PLOD2: variants seen among roughly 807,000 people sequenced by gnomAD.
PLOD2 encodes the protein procollagen-lysine,2-oxoglutarate 5-dioxygenase 2, also known as lysine hydroxylase 2.
Under a neutral mutation model 101.0 loss-of-function variants are expected in PLOD2, and 65 were observed. The ratio of observed to expected loss-of-function variants is 0.64; its 90% confidence interval spans 0.53 to 0.79. The LOEUF is 0.79. Ranked by LOEUF, PLOD2 falls within the 30% of genes least tolerant of loss-of-function variation. The probability of loss-of-function intolerance (pLI) is 0.00; values close to 1 mark genes in which losing one functional copy is unlikely to be tolerated. For synonymous variants in PLOD2, 314 were observed against 302.9 expected (o/e 1.04, Z -0.38); for missense variants, 909 against 914.6 (o/e 0.99, Z 0.08).
At chr3:146,090,573 A>G (rs1410215911) in intron 8 of PLOD2, among the ~76,000 whole-genome samples, 2 of 151,726 alleles carry the variant, frequency 1.3e-5, no homozygotes. Flanking sequence ...CATCTTCATG[A>G]TGCAGCTTCA....
At chr3:146,121,314 T>TA in intron 2 of PLOD2, 66 bp from the exon 3 acceptor site, 3 of 1,338,008 alleles carry the variant, frequency 2.2e-6, no homozygotes, top group Admixed American at 3.4e-5. Flanking sequence ...ATGAAAAACT[T>TA]AAAGACATCA....
chr3:146,073,384 T>C (rs761903115), intron 15 of PLOD2, 32 bp from the exon 16 acceptor site: 2 of 769,484 alleles, frequency 2.6e-6, no homozygotes, highest in East Asian at 2.7e-5. Flanking sequence ...AAAACAAATA[T>C]CTTTATAAAT....
intron 1 of PLOD2, among the ~76,000 whole-genome samples, chr3:146,146,033 T>G (rs1220644372): frequency 2.0e-5 from 3 of 152,198 alleles, no homozygotes; most frequent in Non-Finnish European, 2.9e-5. Flanking sequence ...TTTCTATTAC[T>G]TAGTTGCCTC....
At chr3:146,120,013 A>G (rs371785349) in intron 3 of PLOD2, among the ~76,000 whole-genome samples, 3,744 of 150,692 alleles carry the variant, frequency 0.025, 76 homozygotes, top group Non-Finnish European at 0.035. Context: ...CTGAGGAATC[A>G]CCACACTGAC....
intron 5 of PLOD2, among the ~76,000 whole-genome samples, chr3:146,105,772 C>T (rs1430304112): frequency 1.3e-5 from 2 of 152,242 alleles, no homozygotes; most frequent in African/African-American, 2.4e-5. Flanking sequence ...AGTTTCTCTA[C>T]TGATAAAGTG....
intron 1 of PLOD2, among the ~76,000 whole-genome samples, chr3:146,128,728 T>C (rs1228535310): frequency 6.6e-6 from 1 of 151,372 alleles, no homozygotes; most frequent in Non-Finnish European, 1.5e-5. Flanking sequence ...TTTCTCCAAA[T>C]AGCTGTTGAT....
At chr3:146,103,298 G>C (rs1006992789) in intron 6 of PLOD2, among the ~76,000 whole-genome samples, 6 of 152,058 alleles carry the variant, frequency 3.9e-5, no homozygotes, top group African/African-American at 1.4e-4. Flanking sequence ...ATATTGTCTG[G>C]CATAAGCAAG....
intron 2 of PLOD2, among the ~76,000 whole-genome samples, chr3:146,121,692 T>A (rs1483423835): frequency 1.3e-5 from 2 of 152,190 alleles, no homozygotes; most frequent in Non-Finnish European, 2.9e-5. Context: ...AAAATGGGTT[T>A]TTCAGGGAAT....
intron 3 of PLOD2, among the ~76,000 whole-genome samples, chr3:146,118,071 G>A (rs889177468): frequency 6.6e-6 from 1 of 152,072 alleles, no homozygotes; most frequent in African/African-American, 2.4e-5. Context: ...CTGCCTCAGA[G>A]CCAAAGTGAA....
intron 1 of PLOD2, among the ~76,000 whole-genome samples, chr3:146,136,164 T>C (rs1194990791): frequency 6.6e-6 from 1 of 152,188 alleles, no homozygotes; most frequent in Non-Finnish European, 1.5e-5. Context: ...GCCTTCTACA[T>C]GTTGCAATTA....
intron 15 of PLOD2, chr3:146,075,929 T>C (rs1936317098): frequency 6.6e-6 from 1 of 151,798 alleles, no homozygotes; most frequent in Middle Eastern, 3.2e-3. Flanking sequence ...TTTTTCTTTT[T>C]ATTTACTTTT....
At chr3:146,142,146 T>A (rs1452306824) in intron 1 of PLOD2, among the ~76,000 whole-genome samples, 1 of 152,094 alleles carries the variant, frequency 6.6e-6, no homozygotes, top group Non-Finnish European at 1.5e-5. Flanking sequence ...AAAGTATTTA[T>A]CCCTTGAAAG....
intron 10 of PLOD2, chr3:146,085,492 T>C: frequency 1.9e-6 from 1 of 536,486 alleles, no homozygotes; most frequent in Non-Finnish European, 3.3e-6. Flanking sequence ...CTCTAAAATT[T>C]TAAGCCAGTT....
At chr3:146,087,305 A>G (rs1230832569) in intron 9 of PLOD2, among the ~76,000 whole-genome samples, 2 of 151,970 alleles carry the variant, frequency 1.3e-5, no homozygotes, top group Non-Finnish European at 2.9e-5. Flanking sequence ...TGAAATATCT[A>G]GAAAAAATGT....
chr3:146,140,406 G>C (rs905327287), intron 1 of PLOD2, among the ~76,000 whole-genome samples: 7 of 152,012 alleles, frequency 4.6e-5, no homozygotes, highest in Admixed American at 1.3e-4. Flanking sequence ...CTAGAAACGA[G>C]GGTAAGCATT....
chr3:146,125,882 A>T (rs2030533071), intron 1 of PLOD2, among the ~76,000 whole-genome samples: 1 of 152,346 alleles, frequency 6.6e-6, no homozygotes, highest in Non-Finnish European at 1.5e-5. Context: ...ATTTTATTTT[A>T]TAAGAACAAA....
intron 1 of PLOD2, among the ~76,000 whole-genome samples, chr3:146,151,562 T>C (rs150222799): frequency 1.1e-4 from 16 of 151,548 alleles, no homozygotes; most frequent in African/African-American, 3.1e-4. Flanking sequence ...ACAAGTAAAA[T>C]CTGACGAGGC....
intron 1 of PLOD2, among the ~76,000 whole-genome samples, chr3:146,151,324 C>T (rs2032043260): frequency 6.6e-6 from 1 of 151,986 alleles, no homozygotes; most frequent in African/African-American, 2.4e-5. Flanking sequence ...ATAGAGAAAC[C>T]CGGTCTCTTC....
chr3:146,150,590 A>G (rs571594221), intron 1 of PLOD2, among the ~76,000 whole-genome samples: 26 of 152,370 alleles, frequency 1.7e-4, no homozygotes, highest in Admixed American at 5.2e-4. Flanking sequence ...TGACAGTGAG[A>G]GGAGACAGAG....
Sources: allele counts gnomAD v4.1 joint callset (sites outside exome capture counted in the v4.1 genomes callset), GRCh38; gene constraint gnomAD v4.1.1; transcripts MANE v1.5; gene names NCBI Gene and HGNC (gene_info 2026-07-23, HGNC 2026-07-21).